The following SRBD1 variants were observed in gnomAD, a reference collection of about 807,000 sequenced individuals.
SRBD1 encodes the protein S1 RNA-binding domain-containing protein 1.
Under a neutral mutation model 115.3 loss-of-function variants are expected in SRBD1, and 88 were observed. The ratio of observed to expected loss-of-function variants is 0.76; its 90% confidence interval spans 0.64 to 0.91. The LOEUF (loss-of-function observed/expected upper bound fraction) is 0.91, where lower values mean the gene tolerates loss of function less well. Ranked by LOEUF, SRBD1 falls within the 40% of genes least tolerant of loss-of-function variation. The pLI, the probability that SRBD1 is intolerant of heterozygous loss-of-function variation, is 0.00. For synonymous variants in SRBD1, 509 were observed against 407.7 expected (o/e 1.25, Z -2.99); for missense variants, 1,385 against 1,177.4 (o/e 1.18, Z -2.58).
chr2:45,508,216 A>G (rs1233673548), intron 14 of SRBD1, among the ~76,000 whole-genome samples: 1 of 152,184 alleles, frequency 6.6e-6, no homozygotes, highest in Non-Finnish European at 1.5e-5. Context: ...TGAAATTCCC[A>G]AAGGTAAAAG....
chr2:45,501,975 A>G (rs530839140), intron 14 of SRBD1, among the ~76,000 whole-genome samples: 105 of 152,170 alleles, frequency 6.9e-4, no homozygotes, highest in Non-Finnish European at 1.4e-3. Flanking sequence ...AGATCTGAGA[A>G]CGGACAGACT....
At chr2:45,530,580 T>C (rs1449932376) in intron 14 of SRBD1, among the ~76,000 whole-genome samples, 1 of 152,016 alleles carries the variant, frequency 6.6e-6, no homozygotes. Context: ...ATGGGTCATA[T>C]CAAATTATTA....
At chr2:45,586,166 A>G (rs1673515485) in intron 4 of SRBD1, among the ~76,000 whole-genome samples, 3 of 152,252 alleles carry the variant, frequency 2.0e-5, no homozygotes, top group Admixed American at 2.0e-4. Flanking sequence ...GGCAATATCT[A>G]TGAAAATTTA....
At chr2:45,564,962 A>G (rs1426433669) in intron 9 of SRBD1, among the ~76,000 whole-genome samples, 1 of 152,194 alleles carries the variant, frequency 6.6e-6, no homozygotes, top group African/African-American at 2.4e-5. Flanking sequence ...ACTACAAAAC[A>G]TTGTTGAAAG....
chr2:45,583,782 G>C (rs1673434059), intron 5 of SRBD1, among the ~76,000 whole-genome samples: 1 of 152,020 alleles, frequency 6.6e-6, no homozygotes, highest in Admixed American at 6.5e-5. Flanking sequence ...CTGTATTATA[G>C]AAAAAGATCT....
At chr2:45,410,154 T>C (rs1450139165) in intron 19 of SRBD1, among the ~76,000 whole-genome samples, 3 of 152,188 alleles carry the variant, frequency 2.0e-5, no homozygotes, top group African/African-American at 7.2e-5. Context: ...CATTAGAAAG[T>C]GTTCAGTGTT....
intron 4 of SRBD1, among the ~76,000 whole-genome samples, chr2:45,591,633 T>C (rs982865415): frequency 2.6e-5 from 4 of 152,192 alleles, no homozygotes; most frequent in African/African-American, 9.6e-5. Context: ...GAGTTTGAAC[T>C]TGATATCCTA....
At position 45,461,658 on chromosome 2, in the gene SRBD1, G is replaced by GC. The variant is rs3835990; in HGVS notation, c.2049+15334dup. ...ACTTTTAAACCTCAGAGATTCAACT[G>GC]CCCCCCCCAACTTTTAAATCTCAGA... On this transcript the variant is annotated intron_variant, in intron 16 of 20. Coordinates refer to ENST00000263736, the MANE Select transcript of SRBD1 (RefSeq NM_018079.5). Among the ~76,000 whole-genome samples, 421 of 150,960 alleles carry GC rather than the reference G, an allele frequency of 2.8e-3. 2 individuals carry two copies. Among genetic ancestry groups the GC allele is most frequent in the Middle Eastern group, 0.014 (4 of 294 alleles).
intron 14 of SRBD1, among the ~76,000 whole-genome samples, chr2:45,506,989 T>C (rs959323038): frequency 4.6e-5 from 7 of 152,188 alleles, no homozygotes; most frequent in South Asian, 2.1e-4. Context: ...ATCTGTGTTA[T>C]AGACTGAAAT....
intron 14 of SRBD1, among the ~76,000 whole-genome samples, chr2:45,508,599 CAT>C (rs1378815187): frequency 1.3e-5 from 2 of 152,026 alleles, no homozygotes; most frequent in Admixed American, 1.3e-4. Context: ...ATATCACACA[CAT>C]GGAGTCATAT....
At chr2:45,529,441 T>C (rs1671545538) in intron 14 of SRBD1, among the ~76,000 whole-genome samples, 1 of 151,940 alleles carries the variant, frequency 6.6e-6, no homozygotes, top group Admixed American at 6.6e-5. Context: ...CCACTTCTTA[T>C]ACTTCCCTAC....
chr2:45,571,750 T>C (rs1396308129), intron 9 of SRBD1, among the ~76,000 whole-genome samples: 4 of 151,566 alleles, frequency 2.6e-5, no homozygotes, highest in Non-Finnish European at 4.4e-5. Context: ...ATGACTGAAA[T>C]AAAAATGTGC....
intron 16 of SRBD1, among the ~76,000 whole-genome samples, chr2:45,430,160 A>G (rs1668287790): frequency 6.6e-6 from 1 of 152,216 alleles, no homozygotes; most frequent in African/African-American, 2.4e-5. Context: ...ACAGAAAAAA[A>G]CATTCCATGC....
chr2:45,586,044 A>G (rs1450960361), intron 4 of SRBD1, among the ~76,000 whole-genome samples: 1 of 152,196 alleles, frequency 6.6e-6, no homozygotes, highest in Non-Finnish European at 1.5e-5. Context: ...TTAATGATGC[A>G]ATGATATACT....
chr2:45,395,060 T>C (rs1254406301), intron 19 of SRBD1, among the ~76,000 whole-genome samples: 1 of 152,172 alleles, frequency 6.6e-6, no homozygotes, highest in African/African-American at 2.4e-5. Context: ...GGATGACACA[T>C]GACAACCTCT....
rs1241642653 is a variant in SRBD1, at chr2:45,418,545, G to C, written c.2157-4C>G. ...GGCATTGAGTCCTGCAATATGCCTA[G>C]AAAAAAAAAATAAGCAAACTGAAAA... On this transcript the variant is annotated splice_region_variant and splice_polypyrimidine_tract_variant and intron_variant, in intron 17 of 20. Transcript: ENST00000263736. The C allele has an allele frequency of 2.9e-5, 39 of 1,327,824 alleles. No individual in the cohort carries two copies. The highest frequency in any genetic ancestry group is 3.8e-5 in the Non-Finnish European group (38 of 1,004,566). 82.3% of individuals were successfully genotyped at this position (1,327,824 alleles called of 1,614,324 possible).
At position 45,611,059 on chromosome 2, in the gene SRBD1, G is replaced by C. The variant is rs1016279250; in HGVS notation, c.-1+160C>G. On this transcript the variant is annotated intron_variant, in intron 1 of 20. Coordinates refer to ENST00000263736, the MANE Select transcript of SRBD1 (RefSeq NM_018079.5). Reference sequence around the variant, plus strand: ...TTCGGGTGGTCGGTTGTGAGAGACCGCTGACAGTAAAATGTAATGAACTTC... The same window carrying C: ...TTCGGGTGGTCGGTTGTGAGAGACCCCTGACAGTAAAATGTAATGAACTTC... Among the ~76,000 whole-genome samples, 10 of 152,316 alleles carry C rather than the reference G, an allele frequency of 6.6e-5. No homozygotes were observed. In the East Asian group the frequency reaches 1.7e-3, roughly 26 times the overall value.
chr2:45,550,617 A>C (rs114471539), intron 12 of SRBD1, among the ~76,000 whole-genome samples: 1 of 152,194 alleles, frequency 6.6e-6, no homozygotes, highest in Non-Finnish European at 1.5e-5. Flanking sequence ...AGACAAACTA[A>C]AACTAAGACA....
chr2:45,422,132 G>C (rs1421987085), intron 16 of SRBD1, among the ~76,000 whole-genome samples: 1 of 152,144 alleles, frequency 6.6e-6, no homozygotes, highest in East Asian at 1.9e-4. Flanking sequence ...AAACAAACCG[G>C]AAAAAGGAAG....
Sources: gnomAD v4.1 joint callset for allele counts (sites outside exome capture counted in the v4.1 genomes callset) on GRCh38, gnomAD v4.1.1 for gene constraint, MANE v1.5 for transcripts, NCBI Gene and HGNC (gene_info 2026-07-23, HGNC 2026-07-21) for gene names.